ALCAM: variants seen among roughly 807,000 people sequenced by gnomAD.
The protein encoded by ALCAM is activated leukocyte cell adhesion molecule, also known as CD166 antigen.
Under a neutral mutation model 70.9 loss-of-function variants are expected in ALCAM, and 30 were observed. That is an observed-to-expected ratio of 0.42 (90% confidence interval 0.32 to 0.57). The LOEUF (loss-of-function observed/expected upper bound fraction) is 0.57, where lower values mean the gene tolerates loss of function less well. ALCAM is among the 20% of genes least tolerant of loss of function. ALCAM has a pLI of 0.11. For synonymous variants in ALCAM, 249 were observed against 242.5 expected, an observed-to-expected ratio of 1.03 and a Z score of -0.25; for missense variants, 591 against 695.1, an observed-to-expected ratio of 0.85 and a Z score of 1.68.
intron 1 of ALCAM, among the ~76,000 whole-genome samples, chr3:105,368,058 C>A (rs936007809): frequency 2.0e-5 from 3 of 151,868 alleles, no homozygotes; most frequent in African/African-American, 4.8e-5. Context: ...CTGCGGTCCC[C>A]GTCCATTGTC....
chr3:105,552,790 A>C (rs1414886481), intron 14 of ALCAM: 2 of 1,374,242 alleles, frequency 1.5e-6, no homozygotes, highest in Non-Finnish European at 1.9e-6. Flanking sequence ...ACTGTTTCAC[A>C]TGTGTCCGTT....
chr3:105,527,879 A>G (rs13098639), intron 3 of ALCAM, among the ~76,000 whole-genome samples: 13,075 of 150,504 alleles, frequency 0.087, 774 homozygotes, highest in African/African-American at 0.16. Context: ...CCCTCCTCCT[A>G]AAAGTCATTC....
rs114637073 is a variant in ALCAM, at chr3:105,559,764, T to G, written c.1664+7179T>G. Among the ~76,000 whole-genome samples, 298 of 152,304 alleles carry G rather than the reference T, an allele frequency of 2.0e-3. 1 individual carries two copies. The highest frequency in any genetic ancestry group is 6.8e-3 in the African/African-American group (284 of 41,564). ...TTAGGAAACCACTGGCTAATTGTTA[T>G]GACCAGAGATTGTTTGCCTAATCTT... is the stretch of plus-strand genomic sequence containing the variant. On this transcript the variant is annotated intron_variant, in intron 14 of 15. Transcript: ENST00000306107.
At chr3:105,560,105 C>G (rs926977688) in intron 14 of ALCAM, among the ~76,000 whole-genome samples, 1 of 152,142 alleles carries the variant, frequency 6.6e-6, no homozygotes, top group Non-Finnish European at 1.5e-5. Flanking sequence ...GATCTTCCAG[C>G]AGACATTTGT....
At chr3:105,417,340 G>T (rs1268927017) in intron 1 of ALCAM, among the ~76,000 whole-genome samples, 2 of 151,450 alleles carry the variant, frequency 1.3e-5, no homozygotes, top group South Asian at 2.1e-4. Flanking sequence ...CTTATTCAGG[G>T]TCTGCTATTT....
At position 105,575,130 on chromosome 3, in the gene ALCAM, C is replaced by G. The variant is rs550626610; in HGVS notation, c.*679C>G. 24 of 152,696 alleles carry G rather than the reference C, an allele frequency of 1.6e-4. No homozygotes were observed. The highest frequency in any genetic ancestry group is 5.5e-4 in the African/African-American group (23 of 41,558). The allele number at this position is 152,696 out of a possible 1,614,324, so 9.5% of individuals were successfully genotyped here. On this transcript the variant is annotated 3_prime_UTR_variant, in exon 16 of 16. Coordinates refer to ENST00000306107, the MANE Select transcript of ALCAM (RefSeq NM_001627.4). ...AGACACACATACATAATGGTACTCC[C>G]AAACTGACAATTTTACCTATTCTGA...
intron 1 of ALCAM, among the ~76,000 whole-genome samples, chr3:105,426,491 C>A (rs6786815): frequency 0.15 from 22,714 of 151,672 alleles, 1,806 homozygotes; most frequent in Middle Eastern, 0.19. Flanking sequence ...TTTATAGTTT[C>A]TTTATGATGA....
intron 9 of ALCAM, 25 bp from the exon 10 acceptor site, chr3:105,547,124 G>A (rs781757065): frequency 2.0e-5 from 30 of 1,512,174 alleles, no homozygotes; most frequent in Non-Finnish European, 2.6e-5. Flanking sequence ...TGCCACATGA[G>A]GTAATTTACT....
chr3:105,481,868 C>T (rs1292250788), intron 1 of ALCAM, among the ~76,000 whole-genome samples: 1 of 151,818 alleles, frequency 6.6e-6, no homozygotes, highest in Non-Finnish European at 1.5e-5. Flanking sequence ...GCTATTTGGC[C>T]AATTCATTAA....
chr3:105,424,093 T>G (rs1243405614), intron 1 of ALCAM, among the ~76,000 whole-genome samples: 1 of 151,648 alleles, frequency 6.6e-6, no homozygotes, highest in Non-Finnish European at 1.5e-5. Flanking sequence ...TATTATTTAT[T>G]AGGAATTTAC....
At chr3:105,500,931 G>A (rs1039485427) in intron 1 of ALCAM, among the ~76,000 whole-genome samples, 3 of 152,164 alleles carry the variant, frequency 2.0e-5, no homozygotes, top group African/African-American at 4.8e-5. Context: ...CAGGTTTTGA[G>A]CAGTCAAAAT....
intron 1 of ALCAM, among the ~76,000 whole-genome samples, chr3:105,452,864 A>G (rs1937468247): frequency 6.6e-6 from 1 of 152,124 alleles, no homozygotes; most frequent in Admixed American, 6.5e-5. Context: ...GGCTGCATAA[A>G]TGTCTTCTTT....
rs1936395500 is a variant in ALCAM at position 105,411,779 on chromosome 3, G to A, written c.73+44298G>A. Among the ~76,000 whole-genome samples the A allele has an allele frequency of 1.3e-5, 2 of 152,108 alleles. 1 individual carries two copies. Among genetic ancestry groups the A allele is most frequent in the African/African-American group, 4.8e-5 (2 of 41,536 alleles). On this transcript the variant is annotated intron_variant, in intron 1 of 15. Transcript: ENST00000306107. ...ACAACAGAAATCCTCAGGTGACTAG[G>A]CACCTGCTGCCATAGATAGCTTCTG...
chr3:105,483,347 T>C (rs1938325842), intron 1 of ALCAM, among the ~76,000 whole-genome samples: 1 of 152,076 alleles, frequency 6.6e-6, no homozygotes, highest in Admixed American at 6.6e-5. Flanking sequence ...GGAGGACAGA[T>C]ACCAGATATC....
intron 14 of ALCAM, among the ~76,000 whole-genome samples, chr3:105,565,702 A>C (rs1183954212): frequency 6.6e-6 from 1 of 152,018 alleles, no homozygotes; most frequent in African/African-American, 2.4e-5. Flanking sequence ...TATTGTTTTG[A>C]ATTTTGTTTG....
In ALCAM at chr3:105,367,429, T is replaced by C; in HGVS notation, c.21T>C (p.Ser7=). ...GGAATATGGAATCCAAGGGGGCCAG[T>C]TCCTGCCGTCTGCTCTTCTGCCTCT... MESKGA[S]SCRLLFCLLI... Residue 7 remains serine, a synonymous_variant, in exon 1 of 16, where the codon AGT becomes AGC. Coordinates refer to ENST00000306107, the MANE Select transcript of ALCAM (RefSeq NM_001627.4). 2 of 1,613,826 alleles carry C rather than the reference T, an allele frequency of 1.2e-6. No homozygotes were observed. The highest frequency in any genetic ancestry group is 2.2e-5 in the South Asian group (2 of 91,068).
intron 1 of ALCAM, among the ~76,000 whole-genome samples, chr3:105,410,451 G>A (rs980057720): frequency 6.6e-6 from 1 of 151,940 alleles, no homozygotes; most frequent in African/African-American, 2.4e-5. Flanking sequence ...GTGTATGTTT[G>A]AGTCTTTATG....
rs969673360 is a variant in ALCAM at position 105,545,266 on chromosome 3, G to C, written c.1035G>C (p.Gln345His). Reference sequence around the variant, plus strand: ...ACCCAAGTGGAGAAGTGACTAGACAGATTGGTGATGCCCTACCCGTGTCAT... The same window carrying C: ...ACCCAAGTGGAGAAGTGACTAGACACATTGGTGATGCCCTACCCGTGTCAT... ...SLNPSGEVTR[Q>H]IGDALPVSCT... The change falls in exon 9 of 16, where the codon CAG becomes CAC. Residue 345 changes from glutamine to histidine, a missense_variant. Around this residue, in one of 2 missense-constraint regions of ALCAM, gnomAD observed 427 missense variants for 450.4 expected, o/e 0.95. Coordinates refer to ENST00000306107, the MANE Select transcript of ALCAM (RefSeq NM_001627.4). 1.9e-6 allele frequency: 3 copies of C among 1,609,342 alleles called. No homozygotes were observed. The highest frequency in any genetic ancestry group is 2.5e-6 in the Non-Finnish European group (3 of 1,176,502).
intron 14 of ALCAM, among the ~76,000 whole-genome samples, chr3:105,561,395 G>A (rs138084076): frequency 2.0e-5 from 3 of 152,072 alleles, no homozygotes; most frequent in East Asian, 1.9e-4. Flanking sequence ...GGCACTCATA[G>A]GCACCTCCAA....
Sources: allele counts gnomAD v4.1 joint callset (sites outside exome capture counted in the v4.1 genomes callset), GRCh38; gene constraint gnomAD v4.1.1; regional missense constraint gnomAD v4.1.1; transcripts MANE v1.5; gene names NCBI Gene and HGNC (gene_info 2026-07-23, HGNC 2026-07-21).